HAVCR1: variants seen among roughly 807,000 people sequenced by gnomAD.
HAVCR1 encodes the protein hepatitis A virus cellular receptor 1.
A neutral mutation model predicts 32.0 loss-of-function variants in HAVCR1; 34 were observed. That is an observed-to-expected ratio of 1.06 (90% CI 0.81 to 1.42). The LOEUF (loss-of-function observed/expected upper bound fraction) is 1.42. Ranked by LOEUF, HAVCR1 falls within the 40% of genes most tolerant of loss-of-function variation. The probability of loss-of-function intolerance (pLI) is 0.00; values close to 1 mark genes in which losing one functional copy is unlikely to be tolerated. For synonymous variants in HAVCR1, 178 were observed against 170.3 expected (o/e 1.05, Z -0.35); for missense variants, 420 against 442.3 (o/e 0.95, Z 0.45).
At chr5:157,053,742 C>T in intron 3 of HAVCR1, among the ~76,000 whole-genome samples, 1 of 152,010 alleles carries the variant, frequency 6.6e-6, no homozygotes, top group East Asian at 1.9e-4. Context: ...TGGTGGTGCG[C>T]ACCTGTAGTC....
intron 5 of HAVCR1, among the ~76,000 whole-genome samples, chr5:157,044,192 C>T (rs183339688): frequency 6.1e-4 from 93 of 151,640 alleles, no homozygotes; most frequent in African/African-American, 1.9e-3. Flanking sequence ...AATTAGCCAG[C>T]GTGATGCTGC....
the HAVCR1 span, among the ~76,000 whole-genome samples, chr5:157,066,055 T>TAAAAAAAAAAAAAAAAAAAAAAAAAA: frequency 1.3e-4 from 9 of 66,914 alleles, 1 homozygote; most frequent in Non-Finnish European, 1.6e-4. Flanking sequence ...GACTCCGTCT[T>TAAAAAAAAAAAAAAAAAAAAAAAAAA]AAAAAAAAAA....
chr5:157,056,150 G>C (rs1001265517), intron 2 of HAVCR1, among the ~76,000 whole-genome samples: 2 of 150,042 alleles, frequency 1.3e-5, no homozygotes, highest in African/African-American at 4.9e-5. Flanking sequence ...GGCTAGTCTT[G>C]AACTCCTGAC....
At chr5:157,038,698 G>T (rs78877854) in intron 6 of HAVCR1, among the ~76,000 whole-genome samples, 2,411 of 152,322 alleles carry the variant, frequency 0.016, 61 homozygotes, top group African/African-American at 0.054. Flanking sequence ...CCTACAGGGT[G>T]GGAGGGAAGT....
At chr5:157,048,265 G>A (rs1755525819) in intron 5 of HAVCR1, among the ~76,000 whole-genome samples, 1 of 152,152 alleles carries the variant, frequency 6.6e-6, no homozygotes, top group Non-Finnish European at 1.5e-5. Flanking sequence ...ATTGTTTTAA[G>A]GCCCTGGCCC....
At chr5:157,030,896 A>C (rs1166878493) in intron 8 of HAVCR1, among the ~76,000 whole-genome samples, 1 of 152,224 alleles carries the variant, frequency 6.6e-6, no homozygotes, top group Admixed American at 6.5e-5. Context: ...CAGGTCAGTC[A>C]TACATGTGTG....
chr5:157,049,136 G>A lies in HAVCR1; in HGVS notation c.683C>T (p.Ser228Leu), dbSNP rs759882021. 6.2e-7 allele frequency: 1 copy of A among 1,600,238 alleles called. No individual in the cohort carries two copies. Among genetic ancestry groups the A allele is most frequent in the Non-Finnish European group, 8.6e-7 (1 of 1,167,242 alleles). Reference sequence around the variant, plus strand: ...TTCTGCTGGCTGAGGTGAAGATGGTGAAGTGGCTACTGGAATGAAAAGAAT... The same window carrying A: ...TTCTGCTGGCTGAGGTGAAGATGGTAAAGTGGCTACTGGAATGAAAAGAAT... ...PRQNHEPVATSPSSPQPAETH... is the reference protein window; with the variant it reads ...PRQNHEPVATLPSSPQPAETH... The change falls in exon 5 of 9, where the codon TCA (serine) becomes TTA (leucine). Residue 228 changes from serine (S) to leucine (L), a missense_variant. Coordinates refer to ENST00000523175, the MANE Select transcript of HAVCR1 (RefSeq NM_001173393.3).
the HAVCR1 span, among the ~76,000 whole-genome samples, chr5:157,064,396 C>T: frequency 2.0e-5 from 3 of 151,120 alleles, no homozygotes; most frequent in Non-Finnish European, 4.4e-5. Context: ...TGGCATGCAA[C>T]TTGTAGTCCC....
In HAVCR1 at chr5:157,044,368, C is replaced by CGAAGGAAG. The variant is rs573183336; in HGVS notation, c.782-1694_782-1687dup. Reference sequence around the variant, plus strand: ...GGGAAGGGAAGGGAGAAAGAAAGGACGAAGGAAGGAAGGAAGGAAGGAAGG... The same window carrying CGAAGGAAG: ...GGGAAGGGAAGGGAGAAAGAAAGGACGAAGGAAGGAAGGAAGGAAGGAAGGAAGGAAGG... On this transcript the variant is annotated intron_variant, in intron 5 of 8. Transcript: ENST00000523175. Among the ~76,000 whole-genome samples, 63 of 31,332 alleles carry CGAAGGAAG rather than the reference C, an allele frequency of 2.0e-3. 5 individuals are homozygous for CGAAGGAAG. The highest frequency in any genetic ancestry group is 5.3e-3 in the Admixed American group (9 of 1,684). 20.6% of individuals were successfully genotyped at this position (31,332 alleles called of 152,430 possible).
upstream of HAVCR1, among the ~76,000 whole-genome samples, chr5:157,062,145 T>C (rs1244540817): frequency 1.3e-5 from 2 of 152,200 alleles, no homozygotes; most frequent in Non-Finnish European, 2.9e-5. Flanking sequence ...GCACCAAAGC[T>C]GAATTTCCAG....
intron 5 of HAVCR1, among the ~76,000 whole-genome samples, chr5:157,043,662 T>C (rs1351683356): frequency 1.3e-5 from 2 of 151,956 alleles, no homozygotes; most frequent in African/African-American, 4.8e-5. Context: ...AGTGAGACCC[T>C]GTCCCCAAAA....
At chr5:157,056,623 G>A (rs1581731012) in intron 2 of HAVCR1, among the ~76,000 whole-genome samples, 11 of 150,528 alleles carry the variant, frequency 7.3e-5, no homozygotes, top group Admixed American at 5.3e-4. Context: ...CTCGTGATCT[G>A]CCCGCCTTGG....
chr5:157,066,829 GT>G, the HAVCR1 span, among the ~76,000 whole-genome samples: 1 of 152,328 alleles, frequency 6.6e-6, no homozygotes, highest in East Asian at 1.9e-4. Flanking sequence ...GCTCATGCCT[GT>G]AATCCCAGCA....
chr5:157,061,796 G>T (rs1407782796), upstream of HAVCR1, among the ~76,000 whole-genome samples: 1 of 152,284 alleles, frequency 6.6e-6, no homozygotes, highest in East Asian at 1.9e-4. Context: ...AATGTGGGGG[G>T]TGGGAAGAAT....
intron 6 of HAVCR1, among the ~76,000 whole-genome samples, chr5:157,041,798 C>T (rs1479499923): frequency 1.3e-5 from 2 of 152,140 alleles, no homozygotes; most frequent in Admixed American, 1.3e-4. Context: ...GTGGCTCACG[C>T]CTGTAATCCC....
At chr5:157,032,286 A>G (rs953707135) in intron 8 of HAVCR1, among the ~76,000 whole-genome samples, 2 of 152,174 alleles carry the variant, frequency 1.3e-5, no homozygotes, top group Non-Finnish European at 2.9e-5. Context: ...TGGGAGGCCG[A>G]GGCAGGCAGA....
chr5:157,065,284 G>A, the HAVCR1 span, among the ~76,000 whole-genome samples: 11 of 149,930 alleles, frequency 7.3e-5, no homozygotes, highest in African/African-American at 2.0e-4. Flanking sequence ...GCGCCACTGC[G>A]CGACAGAGCG....
intron 7 of HAVCR1, among the ~76,000 whole-genome samples, chr5:157,034,784 C>T (rs966294007): frequency 6.9e-6 from 1 of 144,532 alleles, no homozygotes; most frequent in Non-Finnish European, 1.5e-5. Flanking sequence ...TTTAACAAAG[C>T]ACCTCCTGCA....
intron 7 of HAVCR1, among the ~76,000 whole-genome samples, chr5:157,036,853 GTTTT>G (rs1180694999): frequency 2.7e-5 from 4 of 150,564 alleles, no homozygotes; most frequent in Non-Finnish European, 5.9e-5. Context: ...TTTTTTAATG[GTTTT>G]TTTGTTTGTT....
Sources: allele counts gnomAD v4.1 joint callset (sites outside exome capture counted in the v4.1 genomes callset), GRCh38; gene constraint gnomAD v4.1.1; transcripts MANE v1.5; gene names NCBI Gene and HGNC (gene_info 2026-07-23, HGNC 2026-07-21).